The following NR3C2 variants were observed in gnomAD, a reference collection of about 807,000 sequenced individuals.
NR3C2 encodes mineralocorticoid receptor.
In NR3C2, 15 loss-of-function variants were observed where a neutral mutation model predicts 86.4. The ratio of observed to expected loss-of-function variants is 0.17; its 90% CI spans 0.12 to 0.27. NR3C2 has a LOEUF of 0.27. Among genes scored for constraint, NR3C2 ranks in the 10% least tolerant of loss-of-function variants. The pLI, the probability that NR3C2 is intolerant of heterozygous loss-of-function variation, is 1.00. For synonymous variants in NR3C2, 458 were observed against 450.5 expected (o/e 1.02, Z -0.21); for missense variants, 960 against 1,195.6 (o/e 0.80, Z 2.91).
At chr4:148,389,347 T>C (rs1369353631) in intron 2 of NR3C2, among the ~76,000 whole-genome samples, 1 of 152,190 alleles carries the variant, frequency 6.6e-6, no homozygotes, top group Non-Finnish European at 1.5e-5. Context: ...GCCAGAATGC[T>C]ATAGGACACG....
chr4:148,362,354 G>A (rs1745880165), intron 2 of NR3C2, among the ~76,000 whole-genome samples: 1 of 151,798 alleles, frequency 6.6e-6, no homozygotes. Context: ...TAAATGTTTG[G>A]GATGATGAAT....
chr4:148,376,014 C>A (rs2126414239), intron 2 of NR3C2, among the ~76,000 whole-genome samples: 1 of 152,180 alleles, frequency 6.6e-6, no homozygotes, highest in African/African-American at 2.4e-5. Flanking sequence ...GAATTCAACT[C>A]AGTTCTCATC....
Position 148,155,043 on chromosome 4 carries a change from TA to T in NR3C2, c.2015-143del, listed in dbSNP as rs1315073258. The T allele has an allele frequency of 4.2e-6, 3 of 708,622 alleles. No individual in the cohort carries two copies. The African/African-American group carries it at 5.3e-5, about 13-fold the overall frequency. The allele number at this position is 708,622 out of a possible 1,614,324, so 43.9% of individuals were successfully genotyped here. A position where few individuals can be genotyped will look rare whatever the true frequency, so the allele number is the denominator to read the frequency against. On this transcript the variant is annotated intron_variant, in intron 4 of 8. Coordinates refer to ENST00000358102, the MANE Select transcript of NR3C2 (RefSeq NM_000901.5). Reference sequence around the variant, plus strand: ...GACCGTTTATTCCACTAAGAGAAAATATATAAAGCTCAATTATTATTACTTA... The same window carrying T: ...GACCGTTTATTCCACTAAGAGAAAATTATAAAGCTCAATTATTATTACTTA...
At chr4:148,262,803 G>A (rs1279299475) in intron 2 of NR3C2, among the ~76,000 whole-genome samples, 2 of 151,988 alleles carry the variant, frequency 1.3e-5, no homozygotes, top group East Asian at 1.9e-4. Context: ...TCCGTGCTTG[G>A]GCTAAAAAGC....
intron 2 of NR3C2, among the ~76,000 whole-genome samples, chr4:148,392,065 C>T (rs1379042174): frequency 6.6e-6 from 1 of 151,914 alleles, no homozygotes; most frequent in Non-Finnish European, 1.5e-5. Context: ...AAACAGAAAG[C>T]ACCACACCTG....
intron 2 of NR3C2, among the ~76,000 whole-genome samples, chr4:148,325,105 A>T (rs1215956934): frequency 5.7e-5 from 8 of 140,482 alleles, no homozygotes; most frequent in Non-Finnish European, 3.0e-5. Context: ...AGCATAGTGG[A>T]GAGACAGAGA....
At chr4:148,165,443 A>G (rs1426310631) in intron 4 of NR3C2, among the ~76,000 whole-genome samples, 1 of 152,112 alleles carries the variant, frequency 6.6e-6, no homozygotes, top group Non-Finnish European at 1.5e-5. Context: ...CTCCACTATT[A>G]ATTTTCTTCA....
intron 6 of NR3C2, among the ~76,000 whole-genome samples, chr4:148,139,166 C>T (rs1394604045): frequency 6.6e-6 from 1 of 152,190 alleles, no homozygotes; most frequent in Non-Finnish European, 1.5e-5. Flanking sequence ...CTGAAACCAT[C>T]ATTAGGCTCC....
Position 148,302,003 on chromosome 4 carries a change from TGTTAA to T in NR3C2, c.1758-41891_1758-41887del, listed in dbSNP as rs1219636591. 2.0e-5 allele frequency among the ~76,000 whole-genome samples: 3 copies of T among 152,368 alleles called. No homozygotes were observed. The East Asian group carries it at 5.8e-4, about 29-fold the overall frequency. On this transcript the variant is annotated intron_variant, in intron 2 of 8. Coordinates refer to ENST00000358102, the MANE Select transcript of NR3C2 (RefSeq NM_000901.5). ...CTATCAATCACAATTAAGATTGTTATGTTAAGTTATTGTAAACCACAGAGATAACC... is the reference window on the plus strand; with the variant it reads ...CTATCAATCACAATTAAGATTGTTATGTTATTGTAAACCACAGAGATAACC...
intron 7 of NR3C2, among the ~76,000 whole-genome samples, 196 bp from the exon 8 acceptor site, chr4:148,114,457 G>A (rs1420335382): frequency 6.6e-6 from 1 of 152,192 alleles, no homozygotes; most frequent in Non-Finnish European, 1.5e-5. Context: ...TATCAGATGT[G>A]TCTTATCATA....
intron 2 of NR3C2, among the ~76,000 whole-genome samples, chr4:148,374,308 G>C (rs1473808690): frequency 6.6e-6 from 1 of 152,072 alleles, no homozygotes; most frequent in East Asian, 1.9e-4. Flanking sequence ...ATAAATTCCA[G>C]TCTCTTAAAA....
At chr4:148,327,809 A>G (rs964817274) in intron 2 of NR3C2, among the ~76,000 whole-genome samples, 2 of 152,130 alleles carry the variant, frequency 1.3e-5, no homozygotes, top group African/African-American at 4.8e-5. Flanking sequence ...CTTGGCTTTA[A>G]TCTCTCAGGT....
chr4:148,424,955 C>T (rs556604070), intron 2 of NR3C2, among the ~76,000 whole-genome samples: 1 of 152,154 alleles, frequency 6.6e-6, no homozygotes, highest in Admixed American at 6.5e-5. Flanking sequence ...TGTAAGTCAT[C>T]AATTATCTTG....
chr4:148,399,523 A>C (rs573153356), intron 2 of NR3C2, among the ~76,000 whole-genome samples: 1 of 152,116 alleles, frequency 6.6e-6, no homozygotes, highest in Non-Finnish European at 1.5e-5. Flanking sequence ...AGGGTTATCC[A>C]TATCGAATTT....
chr4:148,094,726 A>AAAAAAC (rs1305688892), intron 8 of NR3C2, among the ~76,000 whole-genome samples: 141 of 150,624 alleles, frequency 9.4e-4, no homozygotes, highest in African/African-American at 3.2e-3. Context: ...AAAAAAAAAA[A>AAAAAAC]CAAAAAAAAC....
chr4:148,093,839 T>C (rs564944979), intron 8 of NR3C2, among the ~76,000 whole-genome samples: 47 of 152,082 alleles, frequency 3.1e-4, no homozygotes, highest in Non-Finnish European at 5.9e-4. Flanking sequence ...GGAAAAAAGA[T>C]AAATACAAGT....
chr4:148,271,268 G>A (rs72655254), intron 2 of NR3C2, among the ~76,000 whole-genome samples: 135 of 152,192 alleles, frequency 8.9e-4, no homozygotes, highest in Admixed American at 3.2e-3. Flanking sequence ...CTTTTCAAGG[G>A]AAAATGCTCC....
chr4:148,317,867 GTTTTCT>G (rs1200171745), intron 2 of NR3C2, among the ~76,000 whole-genome samples: 2 of 144,374 alleles, frequency 1.4e-5, no homozygotes, highest in Non-Finnish European at 3.1e-5. Context: ...TAGTTAAGCT[GTTTTCT>G]TTTTCTTTTT....
chr4:148,155,957 A>G (rs923791739), intron 4 of NR3C2, among the ~76,000 whole-genome samples: 7 of 152,154 alleles, frequency 4.6e-5, no homozygotes, highest in African/African-American at 9.7e-5. Flanking sequence ...AAATAACGCC[A>G]CATATCGACA....
Sources: allele counts gnomAD v4.1 joint callset (sites outside exome capture counted in the v4.1 genomes callset), GRCh38; gene constraint gnomAD v4.1.1; transcripts MANE v1.5; gene names NCBI Gene and HGNC (gene_info 2026-07-23, HGNC 2026-07-21).